TOX: variants seen among roughly 807,000 people sequenced by gnomAD.
TOX encodes thymocyte selection-associated high mobility group box protein TOX.
A neutral mutation model predicts 53.7 loss-of-function variants in TOX; 11 were observed. The ratio of observed to expected loss-of-function variants is 0.20; its 90% CI spans 0.13 to 0.34. TOX has a LOEUF of 0.34. Ranked by LOEUF, TOX falls within the 10% of genes least tolerant of loss-of-function variation. The pLI, the probability that TOX is intolerant of heterozygous loss-of-function variation, is 1.00. For missense variants in TOX, 570 were observed against 664.6 expected (o/e 0.86, Z 1.56); for synonymous variants, 225 against 245.3 (o/e 0.92, Z 0.77).
intron 1 of TOX, among the ~76,000 whole-genome samples, chr8:59,070,017 A>G (rs1381911047): frequency 3.3e-5 from 5 of 152,248 alleles, no homozygotes; most frequent in Non-Finnish European, 5.9e-5. Flanking sequence ...CAAGGGCAAC[A>G]TGGTTTTAAG....
At chr8:58,979,081 C>T (rs535756888) in intron 1 of TOX, among the ~76,000 whole-genome samples, 10 of 152,096 alleles carry the variant, frequency 6.6e-5, no homozygotes, top group South Asian at 2.1e-4. Context: ...AATGATATGC[C>T]TATTTAATGC....
intron 3 of TOX, among the ~76,000 whole-genome samples, chr8:58,914,839 G>A (rs1212371854): frequency 6.6e-6 from 1 of 151,824 alleles, no homozygotes; most frequent in African/African-American, 2.4e-5. Flanking sequence ...AGGCCAGTGT[G>A]TGCGCGCACC....
chr8:58,828,603 G>A (rs1410322093), intron 5 of TOX, among the ~76,000 whole-genome samples: 2 of 151,858 alleles, frequency 1.3e-5, no homozygotes, highest in East Asian at 1.9e-4. Context: ...AAATTCACAC[G>A]TGAAAACAAA....
intron 3 of TOX, among the ~76,000 whole-genome samples, chr8:58,876,451 C>G (rs2129170485): frequency 6.8e-6 from 1 of 146,358 alleles, no homozygotes; most frequent in African/African-American, 2.6e-5. Flanking sequence ...ACATATCCCT[C>G]TTTTAAAATG....
chr8:58,982,273 C>A (rs940749364), intron 1 of TOX, among the ~76,000 whole-genome samples: 1 of 152,210 alleles, frequency 6.6e-6, no homozygotes, highest in Non-Finnish European at 1.5e-5. Context: ...TGCCCCCACA[C>A]CCCTTTCCTT....
chr8:58,943,580 G>T (rs970915684), intron 2 of TOX, among the ~76,000 whole-genome samples: 2 of 149,164 alleles, frequency 1.3e-5, no homozygotes, highest in African/African-American at 5.0e-5. Context: ...ATCCCCAGAT[G>T]CCCAGGAGAC....
chr8:59,078,200 C>T (rs1804328625), intron 1 of TOX, among the ~76,000 whole-genome samples: 1 of 152,132 alleles, frequency 6.6e-6, no homozygotes, highest in African/African-American at 2.4e-5. Flanking sequence ...AACCAAGTGA[C>T]CTGGGCAGTC....
At position 58,805,593 on chromosome 8, in the gene TOX, C is replaced by T. The variant is rs1809961218; in HGVS notation, c.*2154G>A. On this transcript the variant is annotated 3_prime_UTR_variant, in exon 9 of 9. Coordinates refer to ENST00000361421, the MANE Select transcript of TOX (RefSeq NM_014729.3). ...AAACCGCCTGTCAAAGTCAAAGCTG[C>T]TCATTCTCCTCCCAGTAATTACCTT... 6.6e-6 allele frequency: 1 copy of T among 152,598 alleles called. No individual in the cohort carries two copies. The highest frequency in any genetic ancestry group is 2.1e-4 in the South Asian group (1 of 4,818). 9.5% of individuals were successfully genotyped at this position (152,598 alleles called of 1,614,324 possible). A position where few individuals can be genotyped will look rare whatever the true frequency, so the allele number is the denominator to read the frequency against.
At chr8:58,973,695 G>T (rs955803350) in intron 1 of TOX, among the ~76,000 whole-genome samples, 1 of 151,946 alleles carries the variant, frequency 6.6e-6, no homozygotes, top group African/African-American at 2.4e-5. Context: ...TTTTGTTTTG[G>T]TTTTGTTTTT....
intron 1 of TOX, among the ~76,000 whole-genome samples, chr8:59,093,808 A>T (rs1452376134): frequency 6.6e-6 from 1 of 152,230 alleles, no homozygotes; most frequent in African/African-American, 2.4e-5. Flanking sequence ...CCTTTAAAAA[A>T]TGATCCAGGA....
In TOX at chr8:58,845,688, T is replaced by C. The variant is rs192963567; in HGVS notation, c.693+5836A>G. On this transcript the variant is annotated intron_variant, in intron 4 of 8. Transcript: ENST00000361421. ...TCATAGTTTGTAAAGCAATTTCATTTTTAAGGATCTTTGATTCTGCCAAAC... is the reference window on the plus strand; with the variant it reads ...TCATAGTTTGTAAAGCAATTTCATTCTTAAGGATCTTTGATTCTGCCAAAC... Among the ~76,000 whole-genome samples, 195 of 152,248 alleles carry C rather than the reference T, an allele frequency of 1.3e-3. 5 individuals carry two copies. Among genetic ancestry groups the C allele is most frequent in the Admixed American group, 0.013 (194 of 15,282 alleles).
chr8:59,045,999 G>A (rs1421414795), intron 1 of TOX, among the ~76,000 whole-genome samples: 3 of 152,212 alleles, frequency 2.0e-5, no homozygotes, highest in Admixed American at 1.3e-4. Context: ...CCCTTCTCCT[G>A]CAATCACAAA....
intron 1 of TOX, among the ~76,000 whole-genome samples, chr8:59,056,434 A>AT (rs1167596283): frequency 6.7e-6 from 1 of 149,248 alleles, no homozygotes; most frequent in Non-Finnish European, 1.5e-5. Context: ...CCTCTCCGAA[A>AT]AAAAAAAAAA....
chr8:59,036,426 A>G (rs1432297988), intron 1 of TOX, among the ~76,000 whole-genome samples: 1 of 152,088 alleles, frequency 6.6e-6, no homozygotes, highest in East Asian at 1.9e-4. Flanking sequence ...ATGAGGGGAG[A>G]CTGTGTTATC....
intron 3 of TOX, among the ~76,000 whole-genome samples, chr8:58,895,583 T>A (rs1039584335): frequency 6.6e-6 from 1 of 152,228 alleles, no homozygotes; most frequent in Non-Finnish European, 1.5e-5. Context: ...TTTGGTTCTT[T>A]GTGTGTTTAC....
chr8:58,890,780 T>G (rs141910220), intron 3 of TOX, among the ~76,000 whole-genome samples: 1 of 151,866 alleles, frequency 6.6e-6, no homozygotes, highest in Non-Finnish European at 1.5e-5. Flanking sequence ...GAACTTGAGG[T>G]TGAAAATGAG....
intron 3 of TOX, among the ~76,000 whole-genome samples, chr8:58,898,743 G>C (rs1811689076): frequency 6.6e-6 from 1 of 152,166 alleles, no homozygotes; most frequent in Non-Finnish European, 1.5e-5. Context: ...GGAAACTGTA[G>C]GGGTGAATCC....
At chr8:59,115,529 G>C (rs1318891824) in intron 1 of TOX, among the ~76,000 whole-genome samples, 2 of 152,006 alleles carry the variant, frequency 1.3e-5, no homozygotes, top group African/African-American at 4.8e-5. Flanking sequence ...AATTTATTTT[G>C]GTAGCATTCA....
At chr8:58,879,584 A>C (rs753505385) in intron 3 of TOX, among the ~76,000 whole-genome samples, 2 of 152,222 alleles carry the variant, frequency 1.3e-5, no homozygotes, top group African/African-American at 4.8e-5. Context: ...ATATGCCAAG[A>C]GCACTGAGCC....
Sources: gnomAD v4.1 joint callset for allele counts (sites outside exome capture counted in the v4.1 genomes callset) on GRCh38, gnomAD v4.1.1 for gene constraint, MANE v1.5 for transcripts, NCBI Gene and HGNC (gene_info 2026-07-23, HGNC 2026-07-21) for gene names.